Variants in NDFIP2 observed in about 807,000 individuals in gnomAD.
The protein encoded by NDFIP2 is NEDD4 family-interacting protein 2.
Under a neutral mutation model 36.0 loss-of-function variants are expected in NDFIP2, and 19 were observed. The observed-to-expected ratio is 0.53, with a 90% CI of 0.37 to 0.77. The LOEUF (loss-of-function observed/expected upper bound fraction) is 0.77, where lower values mean the gene tolerates loss of function less well. NDFIP2 is among the 30% of genes least tolerant of loss of function. The pLI, the probability that NDFIP2 is intolerant of heterozygous loss-of-function variation, is 0.00. For missense variants in NDFIP2, 446 were observed against 435.8 expected (o/e 1.02, Z -0.21); for synonymous variants, 181 against 167.7 (o/e 1.08, Z -0.61).
At position 79,481,196 on chromosome 13, in the gene NDFIP2, C is replaced by G; in HGVS notation, c.-8C>G. On this transcript the variant is annotated 5_prime_UTR_variant, in exon 1 of 8. Transcript: ENST00000218652. ...CCACCCAGCTATACCCTCCCACTGG[C>G]GGCGCGGATGGCACGCCGGCGGAGC... 8 of 1,500,468 alleles carry G rather than the reference C, an allele frequency of 5.3e-6. No homozygotes were observed. The highest frequency in any genetic ancestry group is 7.1e-6 in the Non-Finnish European group (8 of 1,132,610). The allele number at this position is 1,500,468 out of a possible 1,614,324, so 92.9% of individuals were successfully genotyped here.
At chr13:79,487,207 A>AC (rs1429172485) in intron 1 of NDFIP2, among the ~76,000 whole-genome samples, 1 of 151,804 alleles carries the variant, frequency 6.6e-6, no homozygotes, top group Admixed American at 6.6e-5. Context: ...ATCAATTCAT[A>AC]CCCCCCAGGT....
chr13:79,543,820 AT>A, intron 5 of NDFIP2, 138 bp downstream of exon 5: 1 of 1,071,728 alleles, frequency 9.3e-7, no homozygotes. Context: ...ATACTTAATC[AT>A]TATAGTGAGC....
intron 1 of NDFIP2, among the ~76,000 whole-genome samples, chr13:79,499,454 T>A (rs913931867): frequency 6.6e-6 from 1 of 151,792 alleles, no homozygotes; most frequent in Non-Finnish European, 1.5e-5. Context: ...TACACAGGAG[T>A]TGATTATTTA....
chr13:79,481,440 CG>C lies in NDFIP2; in HGVS notation c.239del (p.Gly80GlufsTer41). On this transcript the variant is annotated frameshift_variant, in exon 1 of 8. Coordinates refer to ENST00000218652, the MANE Select transcript of NDFIP2 (RefSeq NM_019080.3). LOFTEE classifies it high-confidence loss of function. ...STGVAVGAEHGEDSLSRKPDP... is the reference protein window; with the variant it reads ...STGVAVGAEHXEDSLSRKPDP... ...CGGGGGTGGCCGTGGGAGCTGAGCA[CG>C]GAGAAGACTCCCTCTCTCGGAAGCC... is the stretch of plus-strand genomic sequence containing the variant. The C allele has an allele frequency of 6.4e-7, 1 of 1,561,854 alleles. No individual in the cohort carries two copies. The highest frequency in any genetic ancestry group is 8.7e-7 in the Non-Finnish European group (1 of 1,152,782).
intron 1 of NDFIP2, among the ~76,000 whole-genome samples, chr13:79,506,596 CAT>C (rs1222440249): frequency 5.3e-5 from 8 of 152,114 alleles, no homozygotes; most frequent in East Asian, 3.9e-4. Flanking sequence ...GTTAGGCTGA[CAT>C]GTGTGTTTTG....
At chr13:79,526,455 A>G (rs1874799789) in intron 2 of NDFIP2, among the ~76,000 whole-genome samples, 1 of 152,196 alleles carries the variant, frequency 6.6e-6, no homozygotes, top group Non-Finnish European at 1.5e-5. Context: ...TGAAATAGCA[A>G]GGAAGAGAGT....
chr13:79,481,409 C>A lies in NDFIP2; in HGVS notation c.206C>A (p.Ser69Ter). 1 of 1,557,020 alleles carries A rather than the reference C, an allele frequency of 6.4e-7. No individual in the cohort carries two copies. The highest frequency in any genetic ancestry group is 2.0e-5 in the Admixed American group (1 of 51,264). The change falls in exon 1 of 8, where the codon TCG (serine) becomes TAG (stop). Residue 69 changes from serine (S) to a stop codon, truncating the protein, a stop_gained. Transcript: ENST00000218652. LOFTEE classifies it high-confidence loss of function. ...GGGRGPAATT[S>*]STGVAVGAEH... ...GGAAGGGGCCCTGCGGCGACGACGT[C>A]GTCGACGGGGGTGGCCGTGGGAGCT...
intron 1 of NDFIP2, among the ~76,000 whole-genome samples, chr13:79,510,236 A>G (rs1410569747): frequency 6.6e-6 from 1 of 151,914 alleles, no homozygotes; most frequent in Admixed American, 6.6e-5. Context: ...GTATATGAAC[A>G]TTTGCTATTA....
intron 2 of NDFIP2, among the ~76,000 whole-genome samples, chr13:79,526,418 T>G (rs1874798540): frequency 6.6e-6 from 1 of 152,074 alleles, no homozygotes; most frequent in Admixed American, 6.6e-5. Context: ...CTGTGTATAG[T>G]TGGTAGTTGA....
intron 3 of NDFIP2, among the ~76,000 whole-genome samples, chr13:79,536,338 G>T (rs1195823320): frequency 6.6e-6 from 1 of 152,120 alleles, no homozygotes; most frequent in East Asian, 1.9e-4. Context: ...CAGAGATCTT[G>T]CATTTACATT....
intron 2 of NDFIP2, 132 bp downstream of exon 2, chr13:79,521,107 CTG>C (rs1157831845): frequency 4.2e-6 from 3 of 707,000 alleles, no homozygotes; most frequent in Middle Eastern, 4.1e-4. Context: ...TATATACATA[CTG>C]TGTGCACATA....
intron 3 of NDFIP2, among the ~76,000 whole-genome samples, chr13:79,536,126 C>T (rs1201777693): frequency 1.3e-5 from 2 of 152,166 alleles, no homozygotes; most frequent in Non-Finnish European, 2.9e-5. Flanking sequence ...AAGTAGATTT[C>T]TGAAAATGAC....
chr13:79,520,720 C>A, intron 1 of NDFIP2, 90 bp from the exon 2 acceptor site: 1 of 1,235,198 alleles, frequency 8.1e-7, no homozygotes, highest in South Asian at 2.1e-5. Context: ...GGCCAAAAAG[C>A]GATACTGTGT....
chr13:79,534,148 C>G (rs1875130779), intron 3 of NDFIP2, among the ~76,000 whole-genome samples: 1 of 152,124 alleles, frequency 6.6e-6, no homozygotes, highest in South Asian at 2.1e-4. Context: ...ACCTCAAGTC[C>G]ACTGACCTCT....
intron 1 of NDFIP2, among the ~76,000 whole-genome samples, chr13:79,499,258 ATCAAACG>A (rs1279122523): frequency 3.3e-5 from 5 of 151,984 alleles, no homozygotes; most frequent in Admixed American, 6.6e-5. Flanking sequence ...AAAAGCCTAT[ATCAAACG>A]TCATACTTTG....
At chr13:79,526,866 A>G (rs1159919245) in intron 2 of NDFIP2, among the ~76,000 whole-genome samples, 1 of 152,188 alleles carries the variant, frequency 6.6e-6, no homozygotes, top group Non-Finnish European at 1.5e-5. Flanking sequence ...AGTAAATCAC[A>G]TCTGTAAAAA....
intron 2 of NDFIP2, among the ~76,000 whole-genome samples, chr13:79,526,563 T>G (rs556461069): frequency 1.3e-3 from 199 of 152,262 alleles, no homozygotes; most frequent in African/African-American, 4.6e-3. Flanking sequence ...TGGAGAGTTA[T>G]GAGAAACACT....
chr13:79,516,730 A>G (rs7339303), intron 1 of NDFIP2, among the ~76,000 whole-genome samples: 104,731 of 151,930 alleles, frequency 0.69, 37,497 homozygotes, highest in African/African-American at 0.89. Context: ...GAAAAGAAAC[A>G]AGAAGAGGTC....
At chr13:79,494,241 C>G (rs1450908439) in intron 1 of NDFIP2, among the ~76,000 whole-genome samples, 1 of 151,998 alleles carries the variant, frequency 6.6e-6, no homozygotes, top group African/African-American at 2.4e-5. Flanking sequence ...TTCCTCATCC[C>G]TCATCTGTAA....
Sources: allele counts gnomAD v4.1 joint callset (sites outside exome capture counted in the v4.1 genomes callset), GRCh38; gene constraint gnomAD v4.1.1; transcripts MANE v1.5; gene names NCBI Gene and HGNC (gene_info 2026-07-23, HGNC 2026-07-21).